Variants in NUP153 observed in about 807,000 individuals in gnomAD.
NUP153 encodes the protein nucleoporin 153, also known as nuclear pore complex protein Nup153.
A neutral mutation model predicts 134.6 loss-of-function variants in NUP153; 27 were observed. The ratio of observed to expected loss-of-function variants is 0.20; its 90% CI spans 0.15 to 0.28. The LOEUF (loss-of-function observed/expected upper bound fraction) is 0.28. Among genes scored for constraint, NUP153 ranks in the 10% least tolerant of loss-of-function variants. NUP153 has a pLI of 1.00. For synonymous variants in NUP153, 640 were observed against 623.5 expected, an observed-to-expected ratio of 1.03 and a Z score of -0.40; for missense variants, 1,821 against 1,731.3, an observed-to-expected ratio of 1.05 and a Z score of -0.92.
chr6:17,618,562 CTTTTTT>C (rs34236407), intron 20 of NUP153, among the ~76,000 whole-genome samples: 6 of 133,466 alleles, frequency 4.5e-5, no homozygotes, highest in Non-Finnish European at 8.3e-5. Flanking sequence ...TAAAATCTCT[CTTTTTT>C]TTTTTTTTTT....
intron 1 of NUP153, among the ~76,000 whole-genome samples, chr6:17,705,982 G>T (rs977258729): frequency 6.6e-6 from 1 of 152,148 alleles, no homozygotes; most frequent in Non-Finnish European, 1.5e-5. Flanking sequence ...AAAGAAACGC[G>T]CGCATCATGG....
At chr6:17,641,513 G>A (rs1207839593) in intron 14 of NUP153, among the ~76,000 whole-genome samples, 1 of 152,000 alleles carries the variant, frequency 6.6e-6, no homozygotes, top group Non-Finnish European at 1.5e-5. Context: ...CCAGCCTGGT[G>A]ACAGAGCGAG....
At chr6:17,666,862 T>C (rs78190612) in intron 8 of NUP153, among the ~76,000 whole-genome samples, 9,133 of 152,280 alleles carry the variant, frequency 0.06, 387 homozygotes, top group Non-Finnish European at 0.084. Context: ...GTGAACAACA[T>C]TGGTTTCCAG....
intron 2 of NUP153, among the ~76,000 whole-genome samples, chr6:17,681,806 C>A (rs1383956242): frequency 4.6e-5 from 7 of 152,136 alleles, no homozygotes; most frequent in Non-Finnish European, 8.8e-5. Flanking sequence ...CCCATTCTCT[C>A]ATCCCTGCAT....
Position 17,647,735 on chromosome 6 carries a change from T to A in NUP153, c.1632+72A>T, listed in dbSNP as rs537496433. The A allele has an allele frequency of 3.5e-5, 34 of 975,438 alleles. No individual in the cohort carries two copies. In the African/African-American group the frequency reaches 5.3e-4, roughly 15 times the overall value. 60.4% of individuals were successfully genotyped at this position (975,438 alleles called of 1,614,324 possible). A position where few individuals can be genotyped will look rare whatever the true frequency, so the allele number is the denominator to read the frequency against. On this transcript the variant is annotated intron_variant, in intron 13 of 21. Transcript: ENST00000262077. ...ACAGTGTTTCTCACCACCAGTGGCA[T>A]CTTAGATTTGATAAAAATATAACAT... is the stretch of plus-strand genomic sequence containing the variant.
At chr6:17,653,535 A>C (rs1245467621) in intron 11 of NUP153, among the ~76,000 whole-genome samples, 2 of 152,238 alleles carry the variant, frequency 1.3e-5, no homozygotes, top group African/African-American at 4.8e-5. Flanking sequence ...CATACAACTT[A>C]GCACCTCTTC....
intron 15 of NUP153, among the ~76,000 whole-genome samples, chr6:17,639,382 T>G (rs1285421171): frequency 1.3e-5 from 2 of 152,078 alleles, no homozygotes; most frequent in Non-Finnish European, 2.9e-5. Context: ...CCTGGCAAGT[T>G]TTACATTCTT....
In NUP153 at chr6:17,632,790, C is replaced by T; in HGVS notation, c.2519G>A (p.Gly840Glu). Residue 840 changes from glycine (G) to glutamate (E), a missense_variant, in exon 17 of 22, where the codon GGA becomes GAA. Physicochemically the swap from Gly to Glu is moderately conservative, Grantham distance 98. Coordinates refer to ENST00000262077, the MANE Select transcript of NUP153 (RefSeq NM_005124.4). ...SSTVPVSLPS[G>E]GSLGLEKFKK... The stretch of plus-strand genomic sequence containing the variant: ...GAACTTTTCCAATCCTAGAGAGCCT[C>T]CAGAAGGCAGAGAGACAGGTACAGT... 1.9e-6 allele frequency: 3 copies of T among 1,606,050 alleles called. No individual in the cohort carries two copies. Among genetic ancestry groups the T allele is most frequent in the Non-Finnish European group, 2.5e-6 (3 of 1,176,542 alleles).
rs1025728024 is a variant in NUP153, at chr6:17,680,890, T to C, written c.335-5120A>G. On this transcript the variant is annotated intron_variant, in intron 2 of 21. Coordinates refer to ENST00000262077, the MANE Select transcript of NUP153 (RefSeq NM_005124.4). The surrounding 1 kb of genome is among the most constrained non-coding windows in gnomAD (Gnocchi z 4.5). ...TGAGGTTTCTCACAAAAACTAAAAG[T>C]AGAACCACAATATGATCCAACAATC... Among the ~76,000 whole-genome samples the C allele has an allele frequency of 2.2e-4, 34 of 152,076 alleles. No homozygotes were observed. Among genetic ancestry groups the C allele is most frequent in the African/African-American group, 8.0e-4 (33 of 41,398 alleles).
chr6:17,664,989 GT>G lies in NUP153; in HGVS notation c.1215+249del, dbSNP rs561329065. Among the ~76,000 whole-genome samples, 15 of 140,056 alleles carry G rather than the reference GT, an allele frequency of 1.1e-4. No individual in the cohort carries two copies. In the East Asian group the frequency reaches 3.2e-3, roughly 30 times the overall value. The allele number at this position is 140,056 out of a possible 152,430, so 91.9% of individuals were successfully genotyped here. The stretch of plus-strand genomic sequence containing the variant: ...AATCACTTGAACCCGGGAGGCAGAG[GT>G]TGCAGTGAGCTGAGACCATGCCATT... On this transcript the variant is annotated intron_variant, in intron 9 of 21. Transcript: ENST00000262077.
rs1581676157 is a variant in NUP153, at chr6:17,632,719, T to C, written c.2590A>G (p.Asn864Asp). 1 of 1,614,072 alleles carries C rather than the reference T, an allele frequency of 6.2e-7. No individual in the cohort carries two copies. ...AAACATTTGGTAGAGTCTGCCTTAT[T>C]CTGCACTAGGCACAATTCACAGTCC... ...SWDCELCLVQ[N>D]KADSTKCLAC... The change falls in exon 17 of 22, where the codon AAT becomes GAT. Residue 864 changes from asparagine to aspartate, a missense_variant. Physicochemically the swap from Asn to Asp is conservative, Grantham distance 23. Transcript: ENST00000262077.
chr6:17,686,067 G>A (rs898553525), intron 2 of NUP153, among the ~76,000 whole-genome samples: 3 of 152,100 alleles, frequency 2.0e-5, no homozygotes, highest in Admixed American at 6.5e-5. Flanking sequence ...AGGATCGCTT[G>A]AGCCTGGAAG....
At chr6:17,688,964 C>T (rs192664078) in intron 1 of NUP153, among the ~76,000 whole-genome samples, 1 of 151,826 alleles carries the variant, frequency 6.6e-6, no homozygotes, top group Admixed American at 6.6e-5. Flanking sequence ...CATTTTTTCC[C>T]AGTATGTTAA....
In NUP153 at chr6:17,672,771, C is replaced by T. The variant is rs181600899; in HGVS notation, c.852+2134G>A. On this transcript the variant is annotated intron_variant, in intron 5 of 21. Coordinates refer to ENST00000262077, the MANE Select transcript of NUP153 (RefSeq NM_005124.4). ...AGGCAGGAGGATTGCTTGAGCCCAG[C>T]AGTTCAGGATCAGCCTGAGCAACGT... Among the ~76,000 whole-genome samples, 346 of 152,138 alleles carry T rather than the reference C, an allele frequency of 2.3e-3. 1 individual carries two copies. The highest frequency in any genetic ancestry group is 6.8e-3 in the Middle Eastern group (2 of 294).
intron 20 of NUP153, among the ~76,000 whole-genome samples, chr6:17,622,240 G>C (rs76122329): frequency 6.6e-6 from 1 of 152,042 alleles, no homozygotes; most frequent in African/African-American, 2.4e-5. Flanking sequence ...GCTTGAGCTC[G>C]GGAGTTAGAG....
At chr6:17,653,604 T>A (rs1581708562) in intron 11 of NUP153, among the ~76,000 whole-genome samples, 1 of 152,206 alleles carries the variant, frequency 6.6e-6, no homozygotes, top group Non-Finnish European at 1.5e-5. Context: ...AACAAGAATG[T>A]TCCTAGTAGC....
chr6:17,636,157 A>C (rs942467534), intron 16 of NUP153, among the ~76,000 whole-genome samples: 5 of 152,180 alleles, frequency 3.3e-5, no homozygotes, highest in Non-Finnish European at 7.3e-5. Context: ...AACATGGCGA[A>C]ACCCTGTCTC....
intron 2 of NUP153, among the ~76,000 whole-genome samples, chr6:17,684,705 C>G (rs1214007668): frequency 6.6e-6 from 1 of 152,184 alleles, no homozygotes; most frequent in Non-Finnish European, 1.5e-5. Flanking sequence ...ACTAAACTTA[C>G]ATACTTACAG....
chr6:17,619,969 G>A (rs909212222), intron 20 of NUP153, among the ~76,000 whole-genome samples: 30 of 151,904 alleles, frequency 2.0e-4, no homozygotes, highest in African/African-American at 6.8e-4. Flanking sequence ...GTGGTGGCAC[G>A]CGCCTGTAAT....
Sources: allele counts gnomAD v4.1 joint callset (sites outside exome capture counted in the v4.1 genomes callset), GRCh38; gene constraint gnomAD v4.1.1; non-coding constraint Gnocchi (gnomAD v3.1); transcripts MANE v1.5; gene names NCBI Gene and HGNC (gene_info 2026-07-23, HGNC 2026-07-21).